PPFIA2: variants seen among roughly 807,000 people sequenced by gnomAD.
The protein encoded by PPFIA2 is liprin-alpha-2.
A neutral mutation model predicts 175.5 loss-of-function variants in PPFIA2; 46 were observed. The ratio of observed to expected loss-of-function variants is 0.26; its 90% CI spans 0.21 to 0.34. The LOEUF (loss-of-function observed/expected upper bound fraction) is 0.34. PPFIA2 is among the 10% of genes least tolerant of loss of function. The pLI is 1.00. For missense variants in PPFIA2, 1,179 were observed against 1,506.1 expected (o/e 0.78, Z 3.60); for synonymous variants, 568 against 511.4 (o/e 1.11, Z -1.49).
chr12:81,474,250 G>A (rs998856855), intron 4 of PPFIA2, among the ~76,000 whole-genome samples: 1 of 152,210 alleles, frequency 6.6e-6, no homozygotes, highest in Non-Finnish European at 1.5e-5. Context: ...TCCACCTCCC[G>A]GTTTCAAGCA....
At chr12:81,705,083 TAAAAA>T (rs557079067) in intron 3 of PPFIA2, among the ~76,000 whole-genome samples, 4 of 32,356 alleles carry the variant, frequency 1.2e-4, no homozygotes, top group African/African-American at 2.6e-4. Flanking sequence ...AAACTCTGTC[TAAAAA>T]AAAAAAAAAA....
At chr12:81,575,629 G>A (rs1041494579) in intron 4 of PPFIA2, among the ~76,000 whole-genome samples, 4 of 151,628 alleles carry the variant, frequency 2.6e-5, no homozygotes, top group African/African-American at 7.3e-5. Context: ...ATATATAAAT[G>A]TATAATTATA....
chr12:81,600,753 G>A (rs1595479731), intron 4 of PPFIA2, among the ~76,000 whole-genome samples: 1 of 152,068 alleles, frequency 6.6e-6, no homozygotes, highest in South Asian at 2.1e-4. Context: ...TGTAACTCAT[G>A]TTCCCCACAG....
intron 3 of PPFIA2, among the ~76,000 whole-genome samples, chr12:81,682,650 T>C (rs367706937): frequency 4.6e-5 from 7 of 152,200 alleles, no homozygotes; most frequent in East Asian, 1.9e-4. Flanking sequence ...ATTATGTATA[T>C]GTTAAAACTT....
intron 9 of PPFIA2, among the ~76,000 whole-genome samples, chr12:81,377,480 G>T (rs1459040204): frequency 6.6e-6 from 1 of 151,820 alleles, no homozygotes; most frequent in African/African-American, 2.4e-5. Flanking sequence ...TTGAACCTGG[G>T]AGGTGGAGGT....
intron 22 of PPFIA2, among the ~76,000 whole-genome samples, chr12:81,313,541 G>T (rs1209706491): frequency 6.6e-6 from 1 of 151,980 alleles, no homozygotes; most frequent in Non-Finnish European, 1.5e-5. Context: ...AAGCAGAAAT[G>T]TTCATAAACA....
chr12:81,585,140 T>A (rs1426160573), intron 4 of PPFIA2, among the ~76,000 whole-genome samples: 1 of 142,726 alleles, frequency 7.0e-6, no homozygotes, highest in East Asian at 2.0e-4. Flanking sequence ...TAAAAAAGAA[T>A]AAATATAGGG....
intron 4 of PPFIA2, among the ~76,000 whole-genome samples, chr12:81,518,312 T>C (rs1227903802): frequency 6.6e-6 from 1 of 152,164 alleles, no homozygotes; most frequent in African/African-American, 2.4e-5. Flanking sequence ...GTCCTGCTAA[T>C]AACAACAAGT....
At chr12:81,560,526 A>T (rs1350528224) in intron 4 of PPFIA2, among the ~76,000 whole-genome samples, 1 of 152,174 alleles carries the variant, frequency 6.6e-6, no homozygotes, top group Non-Finnish European at 1.5e-5. Flanking sequence ...TAAAAACTGG[A>T]TTGACTTATT....
At chr12:81,735,371 G>A (rs2081440976) in intron 3 of PPFIA2, among the ~76,000 whole-genome samples, 3 of 151,670 alleles carry the variant, frequency 2.0e-5, no homozygotes, top group African/African-American at 4.8e-5. Context: ...ATCTTCATCT[G>A]CTTATTGACA....
intron 8 of PPFIA2, among the ~76,000 whole-genome samples, chr12:81,399,327 A>C (rs6539568): frequency 1 from 145,927 of 145,938 alleles, 72,958 homozygotes; most frequent in Middle Eastern, 1. Flanking sequence ...AATTCTGAGT[A>C]CCTCAAATCC....
At chr12:81,359,006 A>G (rs984360329) in intron 15 of PPFIA2, among the ~76,000 whole-genome samples, 1 of 152,070 alleles carries the variant, frequency 6.6e-6, no homozygotes. Flanking sequence ...AGTGCAGAAA[A>G]GGCTTCTCCA....
intron 17 of PPFIA2, 132 bp downstream of exon 17, chr12:81,352,987 G>C: frequency 1.4e-6 from 1 of 706,690 alleles, no homozygotes; most frequent in Admixed American, 2.5e-5. Flanking sequence ...GTGTGTACGG[G>C]GTGAGGTCTG....
intron 4 of PPFIA2, among the ~76,000 whole-genome samples, chr12:81,612,537 C>T (rs939465733): frequency 2.0e-5 from 3 of 152,054 alleles, no homozygotes; most frequent in Non-Finnish European, 4.4e-5. Flanking sequence ...GTCTTTCTTC[C>T]AAGATCAAGA....
In PPFIA2 at chr12:81,277,359, C is replaced by G; in HGVS notation, c.3268G>C (p.Glu1090Gln). ...CLKRLNYDRKELERRREASQH... is the reference protein window; with the variant it reads ...CLKRLNYDRKQLERRREASQH... Reference sequence around the variant, plus strand: ...CTTGCTTCCCGTCTTCTTTCTAGTTCTTTTCTGTCATAATTCAACCTCTTT... The same window carrying G: ...CTTGCTTCCCGTCTTCTTTCTAGTTGTTTTCTGTCATAATTCAACCTCTTT... The change falls in exon 28 of 33, where the codon GAA becomes CAA. Residue 1090 changes from glutamate (E) to glutamine (Q), a missense_variant. By Grantham distance (29) the Glu-to-Gln change is conservative. Coordinates refer to ENST00000549396, the MANE Select transcript of PPFIA2 (RefSeq NM_003625.5). 1 of 1,570,064 alleles carries G rather than the reference C, an allele frequency of 6.4e-7. No homozygotes were observed.
At chr12:81,728,046 T>G (rs1283023231) in intron 3 of PPFIA2, among the ~76,000 whole-genome samples, 4 of 151,454 alleles carry the variant, frequency 2.6e-5, no homozygotes, top group Non-Finnish European at 5.9e-5. Flanking sequence ...CATAATAAAA[T>G]GTGTTGATTA....
intron 4 of PPFIA2, among the ~76,000 whole-genome samples, chr12:81,594,930 A>T (rs2059081545): frequency 1.3e-5 from 2 of 152,128 alleles, no homozygotes; most frequent in South Asian, 2.1e-4. Flanking sequence ...AAATAAAATA[A>T]AATAAAAATA....
intron 9 of PPFIA2, among the ~76,000 whole-genome samples, chr12:81,382,634 A>T (rs1383703603): frequency 6.6e-6 from 1 of 152,176 alleles, no homozygotes; most frequent in Non-Finnish European, 1.5e-5. Flanking sequence ...GAGGGGAGAG[A>T]TCTTAAGGAC....
intron 4 of PPFIA2, among the ~76,000 whole-genome samples, chr12:81,465,635 T>C (rs2055471864): frequency 6.6e-6 from 1 of 152,202 alleles, no homozygotes; most frequent in Admixed American, 6.5e-5. Flanking sequence ...TTTAAATCTA[T>C]TTTTATTTGC....
Sources: allele counts gnomAD v4.1 joint callset (sites outside exome capture counted in the v4.1 genomes callset), GRCh38; gene constraint gnomAD v4.1.1; transcripts MANE v1.5; gene names NCBI Gene and HGNC (gene_info 2026-07-23, HGNC 2026-07-21).